EGFLAM: variants seen among roughly 807,000 people sequenced by gnomAD.
EGFLAM encodes the protein pikachurin.
A neutral mutation model predicts 113.1 loss-of-function variants in EGFLAM; 79 were observed. The ratio of observed to expected loss-of-function variants is 0.70; its 90% CI spans 0.58 to 0.84. The LOEUF (loss-of-function observed/expected upper bound fraction) is 0.84, where lower values mean the gene tolerates loss of function less well. Ranked by LOEUF, EGFLAM falls within the 40% of genes least tolerant of loss-of-function variation. The pLI is 0.00. For missense variants in EGFLAM, 1,265 were observed against 1,291.6 expected, an observed-to-expected ratio of 0.98 and a Z score of 0.32; for synonymous variants, 504 against 487.6, an observed-to-expected ratio of 1.03 and a Z score of -0.44.
At chr5:38,358,147 T>TA (rs1739812698) in intron 5 of EGFLAM, among the ~76,000 whole-genome samples, 1 of 151,198 alleles carries the variant, frequency 6.6e-6, no homozygotes, top group Non-Finnish European at 1.5e-5. Context: ...GACCTCTGGT[T>TA]AAAAAAAGAT....
At chr5:38,296,520 A>G (rs1400242519) in intron 1 of EGFLAM, among the ~76,000 whole-genome samples, 1 of 152,148 alleles carries the variant, frequency 6.6e-6, no homozygotes, top group Non-Finnish European at 1.5e-5. Flanking sequence ...TCAAAGGAAT[A>G]AGGGAAATAG....
At chr5:38,335,745 G>A (rs1300072482) in intron 1 of EGFLAM, among the ~76,000 whole-genome samples, 1 of 152,130 alleles carries the variant, frequency 6.6e-6, no homozygotes, top group Admixed American at 6.5e-5. Flanking sequence ...ACAGCACTGG[G>A]CTTCTATCAC....
At chr5:38,386,182 G>C (rs1740656536) in intron 6 of EGFLAM, among the ~76,000 whole-genome samples, 1 of 152,204 alleles carries the variant, frequency 6.6e-6, no homozygotes, top group South Asian at 2.1e-4. Context: ...AGGTATGCAA[G>C]TTACCAAAAG....
chr5:38,278,374 A>G (rs1339449637), intron 1 of EGFLAM, among the ~76,000 whole-genome samples: 1 of 152,234 alleles, frequency 6.6e-6, no homozygotes, highest in African/African-American at 2.4e-5. Context: ...CTTATCTCTT[A>G]TGATATACAA....
At chr5:38,412,131 T>A (rs1209862371) in intron 10 of EGFLAM, among the ~76,000 whole-genome samples, 1 of 152,176 alleles carries the variant, frequency 6.6e-6, no homozygotes, top group Non-Finnish European at 1.5e-5. Context: ...ATACAGGGGG[T>A]ACATGTGCAG....
intron 1 of EGFLAM, among the ~76,000 whole-genome samples, chr5:38,331,570 C>T (rs1259374491): frequency 1.3e-5 from 2 of 152,116 alleles, no homozygotes; most frequent in African/African-American, 4.8e-5. Flanking sequence ...AGGATTGAGA[C>T]TATGGATGAG....
intron 12 of EGFLAM, among the ~76,000 whole-genome samples, chr5:38,419,081 G>C (rs1330575663): frequency 6.6e-6 from 1 of 152,192 alleles, no homozygotes; most frequent in Admixed American, 6.5e-5. Context: ...TTCTCGCTGT[G>C]TGCTCGTGGG....
At chr5:38,401,076 T>C (rs1561069135) in intron 6 of EGFLAM, 4 of 152,206 alleles carry the variant, frequency 2.6e-5, no homozygotes, top group African/African-American at 9.7e-5. Context: ...ACATTATCCA[T>C]TGAAAAATAT....
chr5:38,371,582 G>A (rs1740212726), intron 6 of EGFLAM, among the ~76,000 whole-genome samples: 1 of 151,720 alleles, frequency 6.6e-6, no homozygotes. Flanking sequence ...GGGTTATATA[G>A]GGAGGCTATA....
In EGFLAM at chr5:38,415,749, G is replaced by A. The variant is rs556730431; in HGVS notation, c.1495-2317G>A. ...ACTGGGTAATTTATGAAGAAAAGAG[G>A]TTTAATTGACTTACAGTTCTGCATG... On this transcript the variant is annotated intron_variant, in intron 11 of 21. Coordinates refer to ENST00000322350, the MANE Select transcript of EGFLAM (RefSeq NM_152403.4). 1.1e-3 allele frequency among the ~76,000 whole-genome samples: 162 copies of A among 152,268 alleles called. 4 individuals carry two copies. Among genetic ancestry groups the A allele is most frequent in the African/African-American group, 3.1e-3 (128 of 41,546 alleles).
chr5:38,411,839 A>G (rs935223740), intron 10 of EGFLAM, among the ~76,000 whole-genome samples: 1 of 150,090 alleles, frequency 6.7e-6, no homozygotes, highest in Non-Finnish European at 1.5e-5. Flanking sequence ...ACAGAGTTTC[A>G]CTCTGTTGCC....
In EGFLAM at chr5:38,427,141, G is replaced by A. The variant is rs771385193; in HGVS notation, c.1943G>A (p.Gly648Asp). 1.2e-5 allele frequency: 19 copies of A among 1,613,920 alleles called. No individual in the cohort carries two copies. Among genetic ancestry groups the A allele is most frequent in the African/African-American group, 4.0e-5 (3 of 74,876 alleles). Residue 648 changes from glycine to aspartate, a missense_variant, in exon 14 of 22, where the codon GGT becomes GAT. By Grantham distance (94) the Gly-to-Asp change is moderately conservative (BLOSUM62 -1). Transcript: ENST00000322350. ...EITFRPDSGD[G>D]VLLYSYDTGS... ...ACATTTCGGCCAGACTCAGGAGATG[G>A]TGTCCTCCTGTACAGCTATGACACA...
At chr5:38,433,752 G>T (rs1424296444) in intron 15 of EGFLAM, among the ~76,000 whole-genome samples, 3 of 152,210 alleles carry the variant, frequency 2.0e-5, no homozygotes, top group Non-Finnish European at 4.4e-5. Flanking sequence ...AAAGATGCCT[G>T]TGGGTTTGTG....
chr5:38,386,903 A>G (rs1248471943), intron 6 of EGFLAM, among the ~76,000 whole-genome samples: 3 of 152,170 alleles, frequency 2.0e-5, no homozygotes, highest in African/African-American at 7.2e-5. Context: ...ACACATACAC[A>G]GTTACCCATA....
chr5:38,263,829 C>T (rs1294105324), intron 1 of EGFLAM, among the ~76,000 whole-genome samples: 1 of 152,032 alleles, frequency 6.6e-6, no homozygotes, highest in Non-Finnish European at 1.5e-5. Context: ...GGTTTATTTG[C>T]TTTTGTATGG....
At chr5:38,379,865 G>C (rs1486516626) in intron 6 of EGFLAM, among the ~76,000 whole-genome samples, 4 of 151,198 alleles carry the variant, frequency 2.6e-5, no homozygotes, top group Admixed American at 2.6e-4. Context: ...TAGAGTTACA[G>C]TATCATGCTG....
intron 1 of EGFLAM, among the ~76,000 whole-genome samples, chr5:38,320,115 C>A (rs1738701738): frequency 6.6e-6 from 1 of 152,236 alleles, no homozygotes; most frequent in Non-Finnish European, 1.5e-5. Flanking sequence ...TAGAAAGCAC[C>A]TGGCTAGGGA....
At chr5:38,428,012 T>C (rs996700235) in intron 14 of EGFLAM, among the ~76,000 whole-genome samples, 2 of 152,220 alleles carry the variant, frequency 1.3e-5, no homozygotes, top group African/African-American at 2.4e-5. Flanking sequence ...GTCTCCCATC[T>C]TTTTATTGTG....
At chr5:38,427,568 T>C (rs1167934299) in intron 14 of EGFLAM, among the ~76,000 whole-genome samples, 1 of 152,210 alleles carries the variant, frequency 6.6e-6, no homozygotes, top group African/African-American at 2.4e-5. Flanking sequence ...TTATGTCATG[T>C]CATCCGCAGA....
Sources: gnomAD v4.1 joint callset for allele counts (sites outside exome capture counted in the v4.1 genomes callset) on GRCh38, gnomAD v4.1.1 for gene constraint, MANE v1.5 for transcripts, NCBI Gene and HGNC (gene_info 2026-07-23, HGNC 2026-07-21) for gene names.